Variants in THSD7B observed in about 807,000 individuals in gnomAD.
THSD7B encodes the protein thrombospondin type 1 domain containing 7B.
THSD7B carries 138 observed loss-of-function variants against 213.6 expected under a neutral mutation model. The observed-to-expected ratio is 0.65, with a 90% CI of 0.56 to 0.74. The LOEUF is 0.74. Ranked by LOEUF, THSD7B falls within the 30% of genes least tolerant of loss-of-function variation. The pLI is 0.00. For synonymous variants in THSD7B, 742 were observed against 687.0 expected, an observed-to-expected ratio of 1.08 and a Z score of -1.25; for missense variants, 1,931 against 1,991.5, an observed-to-expected ratio of 0.97 and a Z score of 0.58.
intron 2 of THSD7B, among the ~76,000 whole-genome samples, chr2:137,018,661 A>G (rs2104841163): frequency 6.6e-6 from 1 of 152,302 alleles, no homozygotes; most frequent in East Asian, 1.9e-4. Flanking sequence ...CAAATAAAAT[A>G]GTATTTATTA....
At chr2:137,113,422 G>T (rs765776756) in intron 4 of THSD7B, among the ~76,000 whole-genome samples, 22 of 152,118 alleles carry the variant, frequency 1.4e-4, no homozygotes, top group Non-Finnish European at 2.6e-4. Context: ...TGGGGTTTTT[G>T]TGTGTGTGTT....
At chr2:137,384,668 GC>G (rs1685852865) in intron 12 of THSD7B, among the ~76,000 whole-genome samples, 1 of 152,182 alleles carries the variant, frequency 6.6e-6, no homozygotes, top group Admixed American at 6.5e-5. Context: ...CATGGCATGG[GC>G]CCTGTCATCT....
chr2:137,017,984 C>CT (rs557685032), intron 2 of THSD7B, among the ~76,000 whole-genome samples: 1,588 of 140,216 alleles, frequency 0.011, 24 homozygotes, highest in African/African-American at 0.034. Context: ...TTTGTCTTCC[C>CT]TTTTTTTTTT....
intron 1 of THSD7B, among the ~76,000 whole-genome samples, chr2:136,867,481 T>G (rs1407937931): frequency 6.6e-6 from 1 of 152,186 alleles, no homozygotes; most frequent in African/African-American, 2.4e-5. Context: ...CCCTTATAAC[T>G]GAGAATGAAA....
chr2:137,279,975 CG>C (rs1234136072), intron 12 of THSD7B, among the ~76,000 whole-genome samples: 1 of 152,100 alleles, frequency 6.6e-6, no homozygotes, highest in Non-Finnish European at 1.5e-5. Context: ...ATGGGAAAGC[CG>C]GCTTGAGGTT....
chr2:137,474,216 G>A (rs1178767353), intron 15 of THSD7B, among the ~76,000 whole-genome samples: 1 of 152,118 alleles, frequency 6.6e-6, no homozygotes, highest in Admixed American at 6.6e-5. Flanking sequence ...TCAATTTTCT[G>A]ATGTTTGGTT....
intron 20 of THSD7B, among the ~76,000 whole-genome samples, chr2:137,624,357 C>A (rs1682581877): frequency 1.3e-5 from 2 of 152,146 alleles, no homozygotes; most frequent in Admixed American, 6.5e-5. Context: ...AAATGTTAGA[C>A]CTAAAACCAT....
intron 2 of THSD7B, among the ~76,000 whole-genome samples, chr2:136,933,224 T>C (rs748763086): frequency 1.3e-5 from 2 of 151,966 alleles, no homozygotes; most frequent in East Asian, 1.9e-4. Context: ...TGTTTGGACT[T>C]GGAAAATAAA....
intron 11 of THSD7B, among the ~76,000 whole-genome samples, chr2:137,274,338 A>G (rs1157079661): frequency 6.6e-6 from 1 of 152,144 alleles, no homozygotes; most frequent in Non-Finnish European, 1.5e-5. Flanking sequence ...TTAAGGTGAT[A>G]TATTCACATG....
At chr2:137,409,674 C>T (rs962530956) in intron 13 of THSD7B, among the ~76,000 whole-genome samples, 3 of 151,896 alleles carry the variant, frequency 2.0e-5, no homozygotes, top group African/African-American at 7.3e-5. Flanking sequence ...TGGGGAACCC[C>T]ATCAGTTTAA....
chr2:137,360,743 G>T (rs1161864330), intron 12 of THSD7B, among the ~76,000 whole-genome samples: 1 of 152,186 alleles, frequency 6.6e-6, no homozygotes, highest in African/African-American at 2.4e-5. Context: ...GCTCAACCAG[G>T]CCTGCCTGCC....
At chr2:137,584,883 A>G (rs1403751946) in intron 17 of THSD7B, among the ~76,000 whole-genome samples, 3 of 151,964 alleles carry the variant, frequency 2.0e-5, no homozygotes, top group African/African-American at 7.3e-5. Context: ...CTCTTTTTCT[A>G]TTGATTGGAA....
rs572103970 is a variant in THSD7B at position 136,770,416 on chromosome 2, T to C, written c.-36+4729T>C. Among the ~76,000 whole-genome samples, 33 of 152,328 alleles carry C rather than the reference T, an allele frequency of 2.2e-4. No homozygotes were observed. The South Asian group carries it at 4.1e-3, about 19-fold the overall frequency. On this transcript the variant is annotated intron_variant, in intron 1 of 27. Coordinates refer to ENST00000409968, the MANE Select transcript of THSD7B (RefSeq NM_001316349.2). ...ACAGGGCACATGAATACAGCCTTAC[T>C]GGTAAAAATATTGAACTATTTGTAA...
intron 1 of THSD7B, among the ~76,000 whole-genome samples, chr2:136,832,992 C>T (rs938919393): frequency 2.0e-5 from 3 of 152,088 alleles, no homozygotes; most frequent in African/African-American, 7.2e-5. Flanking sequence ...CATCACTCTT[C>T]TACTGATCTC....
chr2:137,290,110 CTTTT>C (rs1244519702), intron 12 of THSD7B, among the ~76,000 whole-genome samples: 3 of 130,820 alleles, frequency 2.3e-5, no homozygotes, highest in Admixed American at 7.7e-5. Flanking sequence ...AAAGAGTTTT[CTTTT>C]TTTTTTTTTT....
Position 137,604,287 on chromosome 2 carries a change from C to T in THSD7B, c.3424-11888C>T, listed in dbSNP as rs77094154. 3.9e-5 allele frequency among the ~76,000 whole-genome samples: 6 copies of T among 152,098 alleles called. No homozygotes were observed. The East Asian group carries it at 1.2e-3, about 29-fold the overall frequency. Reference sequence around the variant, plus strand: ...TATAACATTTAATTTTTTAAAATGACTCAATTCCTCTCTTTGAGCTATGTG... The same window carrying T: ...TATAACATTTAATTTTTTAAAATGATTCAATTCCTCTCTTTGAGCTATGTG... On this transcript the variant is annotated intron_variant, in intron 17 of 27. Coordinates refer to ENST00000409968, the MANE Select transcript of THSD7B (RefSeq NM_001316349.2).
chr2:137,430,376 A>G (rs1372653247), intron 14 of THSD7B, among the ~76,000 whole-genome samples: 1 of 152,218 alleles, frequency 6.6e-6, no homozygotes, highest in Non-Finnish European at 1.5e-5. Flanking sequence ...TTAAATTTTG[A>G]TATGGACTGT....
At chr2:137,026,558 G>C (rs754097996) in intron 2 of THSD7B, among the ~76,000 whole-genome samples, 2 of 152,056 alleles carry the variant, frequency 1.3e-5, no homozygotes, top group Admixed American at 6.6e-5. Flanking sequence ...CTAGCCTTTT[G>C]ATCTTTTTGC....
At chr2:137,334,022 A>G (rs930591211) in intron 12 of THSD7B, among the ~76,000 whole-genome samples, 5 of 152,158 alleles carry the variant, frequency 3.3e-5, no homozygotes, top group Non-Finnish European at 7.4e-5. Flanking sequence ...CAACTACTCA[A>G]TTTTGCTATT....
Sources: gnomAD v4.1 joint callset for allele counts (sites outside exome capture counted in the v4.1 genomes callset) on GRCh38, gnomAD v4.1.1 for gene constraint, MANE v1.5 for transcripts, NCBI Gene and HGNC (gene_info 2026-07-23, HGNC 2026-07-21) for gene names.